Variants in PKP4 observed in about 807,000 individuals in gnomAD.
PKP4 encodes plakophilin-4.
PKP4 carries 90 observed loss-of-function variants against 145.1 expected under a neutral mutation model. The ratio of observed to expected loss-of-function variants is 0.62; its 90% CI spans 0.52 to 0.74. PKP4 has a LOEUF of 0.74. Ranked by LOEUF, PKP4 falls within the 30% of genes least tolerant of loss-of-function variation. The pLI is 0.00. For synonymous variants in PKP4, 563 were observed against 577.2 expected (o/e 0.98, Z 0.35); for missense variants, 1,340 against 1,482.7 (o/e 0.90, Z 1.58).
intron 1 of PKP4, among the ~76,000 whole-genome samples, chr2:158,518,231 T>A (rs896956742): frequency 6.6e-6 from 1 of 152,248 alleles, no homozygotes; most frequent in Admixed American, 6.5e-5. Flanking sequence ...TGGCTGTGAT[T>A]GCTGGGCTGT....
At chr2:158,506,835 C>A (rs11683527) in intron 1 of PKP4, among the ~76,000 whole-genome samples, 139 of 152,120 alleles carry the variant, frequency 9.1e-4, no homozygotes, top group Admixed American at 5.8e-3. Flanking sequence ...AGTGTTCATA[C>A]GACATTTTGC....
intron 1 of PKP4, among the ~76,000 whole-genome samples, chr2:158,528,959 A>G (rs2043248740): frequency 6.6e-6 from 1 of 152,224 alleles, no homozygotes. Context: ...ATCTGTTTAC[A>G]ATGTAGAACT....
intron 1 of PKP4, among the ~76,000 whole-genome samples, chr2:158,477,612 T>G (rs575219776): frequency 6.6e-6 from 1 of 152,336 alleles, no homozygotes; most frequent in East Asian, 1.9e-4. Flanking sequence ...TAAGGTTTCC[T>G]GAAATTCTGC....
chr2:158,630,235 A>G (rs1433052020), intron 7 of PKP4, among the ~76,000 whole-genome samples: 1 of 152,242 alleles, frequency 6.6e-6, no homozygotes, highest in Non-Finnish European at 1.5e-5. Context: ...GAAAATATTC[A>G]GTCTTTTTAA....
chr2:158,486,156 T>A (rs750587748), intron 1 of PKP4, among the ~76,000 whole-genome samples: 3 of 152,220 alleles, frequency 2.0e-5, no homozygotes, highest in African/African-American at 4.8e-5. Context: ...TCAACTTTTT[T>A]AAATTCTTAC....
At chr2:158,460,923 T>C (rs2105372734) in intron 1 of PKP4, among the ~76,000 whole-genome samples, 1 of 152,236 alleles carries the variant, frequency 6.6e-6, no homozygotes, top group East Asian at 1.9e-4. Context: ...AATAACTATT[T>C]CACAGCCAGA....
In PKP4 at chr2:158,667,809, A is replaced by G. The variant is rs578196437; in HGVS notation, c.2728+1246A>G. ...CATGCCTGATTCTTGTAGATGTGCC[A>G]TATCTCTCAGTTCCCACACTTCCTT... On this transcript the variant is annotated intron_variant, in intron 16 of 21. Transcript: ENST00000389759. Among the ~76,000 whole-genome samples, 11 of 152,344 alleles carry G rather than the reference A, an allele frequency of 7.2e-5. No individual in the cohort carries two copies. In the East Asian group the frequency reaches 2.1e-3, roughly 29 times the overall value.
chr2:158,532,292 G>A (rs1434033790), intron 1 of PKP4, among the ~76,000 whole-genome samples: 2 of 152,166 alleles, frequency 1.3e-5, no homozygotes, highest in African/African-American at 2.4e-5. Flanking sequence ...GGTCTCTCGG[G>A]CATCTTAAGC....
chr2:158,664,907 A>G (rs950776250), intron 15 of PKP4, among the ~76,000 whole-genome samples: 4 of 151,586 alleles, frequency 2.6e-5, no homozygotes, highest in African/African-American at 9.7e-5. Context: ...AACAGCGTTC[A>G]CCTTCAGCTT....
chr2:158,677,107 A>AAAAG, intron 20 of PKP4: 1 of 499,744 alleles, frequency 2.0e-6, no homozygotes, highest in East Asian at 4.0e-5. Flanking sequence ...GGCACAAATA[A>AAAAG]AAAGAGGGCT....
rs183414659 is a variant in PKP4 at position 158,469,057 on chromosome 2, G to A, written c.-6+11839G>A. On this transcript the variant is annotated intron_variant, in intron 1 of 21. Transcript: ENST00000389759. ...GCATCCCAAAGTGCTGGGATTACAG[G>A]CATGAACCACCATACCTAGCCAGAA... Among the ~76,000 whole-genome samples, 256 of 151,660 alleles carry A rather than the reference G, an allele frequency of 1.7e-3. 4 individuals are homozygous for A. The East Asian group carries it at 0.024, about 14-fold the overall frequency.
At chr2:158,493,257 A>G (rs901126214) in intron 1 of PKP4, among the ~76,000 whole-genome samples, 1 of 152,128 alleles carries the variant, frequency 6.6e-6, no homozygotes, top group East Asian at 1.9e-4. Flanking sequence ...GACAGATCAT[A>G]ATTTTTTATT....
At chr2:158,509,159 G>C (rs1406652435) in intron 1 of PKP4, among the ~76,000 whole-genome samples, 1 of 152,002 alleles carries the variant, frequency 6.6e-6, no homozygotes, top group Non-Finnish European at 1.5e-5. Context: ...AATTTTTTGA[G>C]ATTTGATTAT....
intron 1 of PKP4, among the ~76,000 whole-genome samples, chr2:158,520,292 G>GT (rs1348119405): frequency 6.6e-6 from 1 of 152,246 alleles, no homozygotes; most frequent in African/African-American, 2.4e-5. Flanking sequence ...TTCAAAAATC[G>GT]TTATTGAATG....
rs541106756 is a variant in PKP4 at position 158,626,882 on chromosome 2, G to A, written c.1153+1455G>A. Among the ~76,000 whole-genome samples the A allele has an allele frequency of 3.5e-4, 54 of 152,154 alleles. No homozygotes were observed. In the South Asian group the frequency reaches 3.9e-3, roughly 11 times the overall value. On this transcript the variant is annotated intron_variant, in intron 7 of 21. Coordinates refer to ENST00000389759, the MANE Select transcript of PKP4 (RefSeq NM_003628.6). ...TTTACTAGAGATAAGCTAGCACCTC[G>A]TAATATGCTTCTCAAGTATTTTTTC...
chr2:158,582,610 G>A (rs2048424234), intron 3 of PKP4, among the ~76,000 whole-genome samples: 1 of 152,182 alleles, frequency 6.6e-6, no homozygotes, highest in Non-Finnish European at 1.5e-5. Context: ...TGCTCAGGAA[G>A]ATCCACCATT....
intron 1 of PKP4, among the ~76,000 whole-genome samples, chr2:158,522,638 C>T (rs970649210): frequency 3.3e-5 from 5 of 152,106 alleles, no homozygotes; most frequent in Admixed American, 2.0e-4. Flanking sequence ...CCAAGATGGC[C>T]GAATAGGAAC....
Position 158,634,101 on chromosome 2 carries a change from C to A in PKP4, c.1374C>A (p.Ser458Arg). ...TTGGAAATCTACAAAGGACATCCAG[C>A]CAACGAAGTACCCTTACATACCAAA... ...VGIGNLQRTS[S>R]QRSTLTYQRN... is the part of the protein sequence containing the mutation. Residue 458 changes from serine (S) to arginine (R), a missense_variant, in exon 9 of 22, where the codon AGC becomes AGA. By Grantham distance (110) the Ser-to-Arg change is moderately radical (BLOSUM62 -1). Coordinates refer to ENST00000389759, the MANE Select transcript of PKP4 (RefSeq NM_003628.6). The A allele has an allele frequency of 6.2e-7, 1 of 1,613,134 alleles. No homozygotes were observed. Among genetic ancestry groups the A allele is most frequent in the Non-Finnish European group, 8.5e-7 (1 of 1,179,078 alleles).
chr2:158,502,616 C>T (rs1313994188), intron 1 of PKP4, among the ~76,000 whole-genome samples: 1 of 152,196 alleles, frequency 6.6e-6, no homozygotes, highest in East Asian at 1.9e-4. Context: ...ATCTCTGCTA[C>T]CACCTGACTT....
Sources: allele counts gnomAD v4.1 joint callset (sites outside exome capture counted in the v4.1 genomes callset), GRCh38; gene constraint gnomAD v4.1.1; transcripts MANE v1.5; gene names NCBI Gene and HGNC (gene_info 2026-07-23, HGNC 2026-07-21).